Variants in RORA observed in about 807,000 individuals in gnomAD.
RORA encodes the protein RAR related orphan receptor A.
Under a neutral mutation model 69.5 loss-of-function variants are expected in RORA, and 7 were observed. That is an observed-to-expected ratio of 0.10 (90% CI 0.06 to 0.19). The LOEUF (loss-of-function observed/expected upper bound fraction) is 0.19. RORA is among the 10% of genes least tolerant of loss of function. The pLI is 1.00. For missense variants in RORA, 457 were observed against 663.0 expected (o/e 0.69, Z 3.41); for synonymous variants, 261 against 240.8 (o/e 1.08, Z -0.78).
chr15:60,584,090 C>A (rs536953143), intron 2 of RORA, among the ~76,000 whole-genome samples: 2 of 152,212 alleles, frequency 1.3e-5, no homozygotes, highest in Non-Finnish European at 2.9e-5. Flanking sequence ...TGCGGTCCAC[C>A]TGGCTCTGAC....
chr15:60,620,501 T>C (rs1048599819), intron 2 of RORA, among the ~76,000 whole-genome samples: 2 of 152,202 alleles, frequency 1.3e-5, no homozygotes, highest in African/African-American at 4.8e-5. Flanking sequence ...TTAAGTAACA[T>C]GGTAATGTCC....
At position 60,808,693 on chromosome 15, in the gene RORA, T is replaced by TTA. The variant is rs926405897; in HGVS notation, c.167-130009_167-130008dup. Among the ~76,000 whole-genome samples, 43 of 149,166 alleles carry TTA rather than the reference T, an allele frequency of 2.9e-4. No homozygotes were observed. The East Asian group carries it at 5.2e-3, about 18-fold the overall frequency. On this transcript the variant is annotated intron_variant, in intron 1 of 10. Coordinates refer to ENST00000335670, the MANE Select transcript of RORA (RefSeq NM_134261.3). ...CCATCAATATATAAACATATATATG[T>TTA]TATATATATGTTTATAATATATAAA...
At chr15:60,869,111 A>C (rs1213231409) in intron 1 of RORA, among the ~76,000 whole-genome samples, 1 of 152,190 alleles carries the variant, frequency 6.6e-6, no homozygotes, top group Non-Finnish European at 1.5e-5. Context: ...GGCCACATCT[A>C]GAAAAAAAGA....
At chr15:60,756,456 G>C (rs183318522) in intron 1 of RORA, among the ~76,000 whole-genome samples, 1 of 152,176 alleles carries the variant, frequency 6.6e-6, no homozygotes, top group Non-Finnish European at 1.5e-5. Context: ...TGCATCTGAT[G>C]ATAACTTTAT....
At chr15:60,621,950 A>C (rs931298382) in intron 2 of RORA, among the ~76,000 whole-genome samples, 2 of 152,106 alleles carry the variant, frequency 1.3e-5, no homozygotes, top group Non-Finnish European at 2.9e-5. Flanking sequence ...CAGGAGGCTG[A>C]GGCAGGAGAA....
chr15:61,127,128 G>C (rs563151113), intron 1 of RORA, among the ~76,000 whole-genome samples: 1 of 152,258 alleles, frequency 6.6e-6, no homozygotes, highest in East Asian at 1.9e-4. Flanking sequence ...TCTCTGAAAG[G>C]CAGTGTGTCA....
intron 1 of RORA, among the ~76,000 whole-genome samples, chr15:61,102,185 C>CA (rs1201515253): frequency 3.9e-5 from 6 of 152,146 alleles, no homozygotes; most frequent in African/African-American, 1.4e-4. Flanking sequence ...CTGTGCTTTC[C>CA]TCCTTGTCAG....
intron 1 of RORA, among the ~76,000 whole-genome samples, chr15:60,926,718 C>A (rs1311020001): frequency 6.6e-6 from 1 of 152,190 alleles, no homozygotes; most frequent in Non-Finnish European, 1.5e-5. Context: ...TACTACATAT[C>A]AGCTGAATAC....
intron 1 of RORA, among the ~76,000 whole-genome samples, chr15:60,996,782 C>T (rs561263702): frequency 1.1e-4 from 17 of 151,848 alleles, no homozygotes; most frequent in African/African-American, 1.7e-4. Flanking sequence ...TGGTGGCAGG[C>T]GCCTGTAGTC....
At chr15:60,736,539 T>C (rs2071502278) in intron 1 of RORA, among the ~76,000 whole-genome samples, 1 of 152,130 alleles carries the variant, frequency 6.6e-6, no homozygotes, top group Admixed American at 6.5e-5. Flanking sequence ...CAAACTCTGA[T>C]CTGATATATA....
At chr15:60,962,376 C>T (rs931105536) in intron 1 of RORA, among the ~76,000 whole-genome samples, 1 of 152,128 alleles carries the variant, frequency 6.6e-6, no homozygotes, top group African/African-American at 2.4e-5. Context: ...ATATTTTTTC[C>T]GCTTCAGCAC....
At chr15:60,707,499 G>A (rs577664826) in intron 1 of RORA, among the ~76,000 whole-genome samples, 178 of 152,066 alleles carry the variant, frequency 1.2e-3, no homozygotes, top group South Asian at 3.5e-3. Context: ...GAGTAGCTGG[G>A]TCTACAGGTG....
At chr15:60,963,037 T>C (rs936956640) in intron 1 of RORA, among the ~76,000 whole-genome samples, 1 of 152,234 alleles carries the variant, frequency 6.6e-6, no homozygotes, top group African/African-American at 2.4e-5. Flanking sequence ...ATGTTCCTAC[T>C]ACCATGATGC....
chr15:60,724,651 G>A (rs926090570), intron 1 of RORA, among the ~76,000 whole-genome samples: 5 of 152,180 alleles, frequency 3.3e-5, no homozygotes, highest in South Asian at 2.1e-4. Context: ...TGCTGTGGCC[G>A]GTTTAATAGG....
In RORA at chr15:61,229,114, G is replaced by A. The variant is rs1362256024; in HGVS notation, c.105C>T (p.Ser35=). The change falls in exon 1 of 11, where the codon TCC becomes TCT. Residue 35 remains serine, a synonymous_variant. Coordinates refer to ENST00000335670, the MANE Select transcript of RORA (RefSeq NM_134261.3). ...GSRETPLNQE[S]ARKSEPPAPV... Reference sequence around the variant, plus strand: ...GGGCAGGCGGCTCGCTCTTGCGGGCGGATTCCTGGTTCAGCGGGGTCTCCC... The same window carrying A: ...GGGCAGGCGGCTCGCTCTTGCGGGCAGATTCCTGGTTCAGCGGGGTCTCCC... 1.9e-6 allele frequency: 3 copies of A among 1,540,964 alleles called. No individual in the cohort carries two copies. Among genetic ancestry groups the A allele is most frequent in the Non-Finnish European group, 1.7e-6 (2 of 1,144,016 alleles).
chr15:60,511,750 G>T lies in RORA; in HGVS notation c.425-129C>A. 1 of 974,900 alleles carries T rather than the reference G, an allele frequency of 1.0e-6. No individual in the cohort carries two copies. The highest frequency in any genetic ancestry group is 1.5e-6 in the Non-Finnish European group (1 of 676,204). The allele number at this position is 974,900 out of a possible 1,614,324, so 60.4% of individuals were successfully genotyped here. On this transcript the variant is annotated intron_variant, in intron 4 of 10. Transcript: ENST00000335670. This position sits in a 1 kb window ranked among gnomAD's most constrained non-coding sequence, Gnocchi z 6.4. ...CAAAACTGCATGACCACAAAATAAG[G>T]ACATATTCAGAGGTGAAAACAGTTC...
chr15:60,518,674 C>T (rs757478355), intron 3 of RORA, among the ~76,000 whole-genome samples: 6 of 152,218 alleles, frequency 3.9e-5, no homozygotes, highest in South Asian at 4.1e-4. Context: ...TACCTCCTAG[C>T]GCCGTCTGTA....
intron 1 of RORA, among the ~76,000 whole-genome samples, chr15:61,015,983 A>T (rs1170431616): frequency 6.6e-6 from 1 of 152,180 alleles, no homozygotes; most frequent in Non-Finnish European, 1.5e-5. Flanking sequence ...AGACGACCGG[A>T]GGGCTTGAGT....
chr15:60,978,563 G>A (rs1893941890), intron 1 of RORA, among the ~76,000 whole-genome samples: 1 of 151,972 alleles, frequency 6.6e-6, no homozygotes, highest in Non-Finnish European at 1.5e-5. Context: ...TATTGCTTAT[G>A]TTTTTGGTGT....
Sources: gnomAD v4.1 joint callset for allele counts (sites outside exome capture counted in the v4.1 genomes callset) on GRCh38, gnomAD v4.1.1 for gene constraint, Gnocchi (gnomAD v3.1) non-coding constraint, MANE v1.5 for transcripts, NCBI Gene and HGNC (gene_info 2026-07-23, HGNC 2026-07-21) for gene names.